Variants in NRBF2 observed in about 807,000 individuals in gnomAD.
NRBF2 encodes the protein nuclear receptor-binding factor 2.
In NRBF2, 12 loss-of-function variants were observed where a neutral mutation model predicts 28.5. The observed-to-expected ratio is 0.42, with a 90% CI of 0.27 to 0.68. The LOEUF (loss-of-function observed/expected upper bound fraction) is 0.68, where lower values mean the gene tolerates loss of function less well. NRBF2 is among the 30% of genes least tolerant of loss of function. NRBF2 has a pLI of 0.24. For synonymous variants in NRBF2, 102 were observed against 116.5 expected (o/e 0.88, Z 0.80); for missense variants, 274 against 333.5 (o/e 0.82, Z 1.39).
intron 1 of NRBF2, among the ~76,000 whole-genome samples, chr10:63,138,181 T>C (rs915013652): frequency 6.7e-6 from 1 of 149,902 alleles, no homozygotes; most frequent in Admixed American, 6.6e-5. Flanking sequence ...GGTGTGGTGG[T>C]GGGTGCCTGT....
At position 63,133,491 on chromosome 10, in the gene NRBF2, C is replaced by T. The variant is rs1841320825; in HGVS notation, c.21C>T (p.Pro7=). 6 of 1,610,770 alleles carry T rather than the reference C, an allele frequency of 3.7e-6. No homozygotes were observed. The highest frequency in any genetic ancestry group is 1.6e-4 in the Middle Eastern group (1 of 6,068). Reference sequence around the variant, plus strand: ...GGTCTATGGAAGTAATGGAAGGACCCCTCAACCTGGTGAGTGTCCCACAGA... The same window carrying T: ...GGTCTATGGAAGTAATGGAAGGACCTCTCAACCTGGTGAGTGTCCCACAGA... MEVMEG[P]LNLAHQQSRR... The change falls in exon 1 of 4, where the codon CCC becomes CCT. Residue 7 remains proline, a synonymous_variant. Coordinates refer to ENST00000277746, the MANE Select transcript of NRBF2 (RefSeq NM_030759.5).
chr10:63,139,678 T>G (rs1403853343), intron 1 of NRBF2, among the ~76,000 whole-genome samples: 1 of 152,240 alleles, frequency 6.6e-6, no homozygotes, highest in Non-Finnish European at 1.5e-5. Context: ...CCTCTCTTTT[T>G]TTGCCTTTTC....
chr10:63,153,556 C>G lies in NRBF2; in HGVS notation c.202C>G (p.Leu68Val), dbSNP rs770495701. ...GCAAAGGGATAGCCATATGAAACAG[C>G]TCCTCCTCATCCAAGAGAGATGGAA... ...ELQRDSHMKQ[L>V]LLIQERWKRA... The change falls in exon 4 of 4, where the codon CTC becomes GTC. Residue 68 changes from leucine to valine, a missense_variant. Coordinates refer to ENST00000277746, the MANE Select transcript of NRBF2 (RefSeq NM_030759.5). 6.2e-6 allele frequency: 10 copies of G among 1,611,752 alleles called. No homozygotes were observed. The highest frequency in any genetic ancestry group is 8.5e-6 in the Non-Finnish European group (10 of 1,179,820).
intron 2 of NRBF2, among the ~76,000 whole-genome samples, chr10:63,148,932 A>C (rs749619871): frequency 1.9e-4 from 29 of 152,236 alleles, no homozygotes; most frequent in Non-Finnish European, 4.1e-4. Flanking sequence ...AGCAGGCCCC[A>C]GAGTACACAG....
intron 1 of NRBF2, among the ~76,000 whole-genome samples, chr10:63,142,780 C>CTTTTTTTTTTTTTTTTTGTT (rs1841494692): frequency 1.3e-5 from 1 of 74,900 alleles, no homozygotes; most frequent in African/African-American, 5.8e-5. Context: ...TTCTTTCTTT[C>CTTTTTTTTTTTTTTTTTGTT]TTTTTTTTTT....
At chr10:63,151,284 G>C (rs903959661) in intron 2 of NRBF2, among the ~76,000 whole-genome samples, 3 of 152,148 alleles carry the variant, frequency 2.0e-5, no homozygotes, top group Non-Finnish European at 4.4e-5. Flanking sequence ...TAAAAATGGA[G>C]ATTCATTATG....
In NRBF2 at chr10:63,145,776, T is replaced by G. The variant is rs547679438; in HGVS notation, c.31-433T>G. ...GATAGAAGAGAAGCTTGGATTTTAC[T>G]ACATGATGAGTGATTTCCTGATTAT... On this transcript the variant is annotated intron_variant, in intron 1 of 3. Coordinates refer to ENST00000277746, the MANE Select transcript of NRBF2 (RefSeq NM_030759.5). 2.0e-5 allele frequency among the ~76,000 whole-genome samples: 3 copies of G among 152,374 alleles called. No homozygotes were observed. The South Asian group carries it at 6.2e-4, about 32-fold the overall frequency.
chr10:63,138,456 C>G (rs986717390), intron 1 of NRBF2, among the ~76,000 whole-genome samples: 2 of 151,644 alleles, frequency 1.3e-5, no homozygotes, highest in African/African-American at 4.8e-5. Flanking sequence ...TGCACTGCAG[C>G]CTGAGCGACT....
At chr10:63,151,586 A>C (rs1222790586) in intron 2 of NRBF2, among the ~76,000 whole-genome samples, 1 of 152,222 alleles carries the variant, frequency 6.6e-6, no homozygotes, top group Non-Finnish European at 1.5e-5. Flanking sequence ...GTCACCGAGG[A>C]TCTAAGATCA....
chr10:63,137,997 G>T (rs902443151), intron 1 of NRBF2, among the ~76,000 whole-genome samples: 2 of 152,094 alleles, frequency 1.3e-5, no homozygotes, highest in Admixed American at 1.3e-4. Flanking sequence ...TAAAGATGAA[G>T]ACTTTGAAAT....
chr10:63,148,586 G>A (rs907039737), intron 2 of NRBF2, among the ~76,000 whole-genome samples: 17 of 152,214 alleles, frequency 1.1e-4, no homozygotes, highest in African/African-American at 3.6e-4. Context: ...GGACCTGGGT[G>A]TCCACCTGTC....
chr10:63,148,769 T>C (rs1184252130), intron 2 of NRBF2, among the ~76,000 whole-genome samples: 1 of 152,222 alleles, frequency 6.6e-6, no homozygotes, highest in Non-Finnish European at 1.5e-5. Context: ...ATGGCTGAAT[T>C]AAATGAAACT....
At chr10:63,153,040 A>C (rs1451648022) in intron 3 of NRBF2, among the ~76,000 whole-genome samples, 1 of 152,202 alleles carries the variant, frequency 6.6e-6, no homozygotes, top group Non-Finnish European at 1.5e-5. Flanking sequence ...TTGTTATAAA[A>C]GTATTAGTTA....
At chr10:63,152,055 CTCTT>C in intron 2 of NRBF2, 91 bp from the exon 3 acceptor site, 1 of 876,744 alleles carries the variant, frequency 1.1e-6, no homozygotes, top group Non-Finnish European at 1.8e-6. Context: ...CAGACCAGTT[CTCTT>C]TGTCATATGA....
rs1564532428 is a variant in NRBF2 at position 63,153,599 on chromosome 10, A to G, written c.245A>G (p.Glu82Gly). 1.2e-6 allele frequency: 2 copies of G among 1,611,970 alleles called. No individual in the cohort carries two copies. Among genetic ancestry groups the G allele is most frequent in the Non-Finnish European group, 1.7e-6 (2 of 1,179,846 alleles). ...AGATGGAAAAGGGCCCAGCGTGAAG[A>G]AAGATTGAAAGCCCAGCAGAACACA... Reference protein sequence around the residue: ...QERWKRAQREERLKAQQNTDK... With the variant: ...QERWKRAQREGRLKAQQNTDK... The change falls in exon 4 of 4, where the codon GAA becomes GGA. Residue 82 changes from glutamate to glycine, a missense_variant. Glu to Gly is a moderately conservative substitution (Grantham distance 98). Coordinates refer to ENST00000277746, the MANE Select transcript of NRBF2 (RefSeq NM_030759.5).
At chr10:63,153,187 T>C (rs927548005) in intron 3 of NRBF2, among the ~76,000 whole-genome samples, 4 of 152,212 alleles carry the variant, frequency 2.6e-5, no homozygotes, top group African/African-American at 9.6e-5. Flanking sequence ...GATACAGGCA[T>C]GCATTGAGTT....
intron 1 of NRBF2, among the ~76,000 whole-genome samples, chr10:63,142,780 CTTTTTTTTT>C (rs781293012): frequency 1.1e-4 from 8 of 74,902 alleles, no homozygotes; most frequent in Admixed American, 1.9e-4. Flanking sequence ...TTCTTTCTTT[CTTTTTTTTT>C]TTTTTTTTTT....
chr10:63,135,343 C>A (rs1841358897), intron 1 of NRBF2, among the ~76,000 whole-genome samples: 1 of 152,100 alleles, frequency 6.6e-6, no homozygotes, highest in Admixed American at 6.6e-5. Context: ...GTGTCCTTGC[C>A]AAATGAGCAT....
Position 63,154,407 on chromosome 10 carries a change from C to G in NRBF2, c.*189C>G. The stretch of plus-strand genomic sequence containing the variant: ...TGTGAAATGCGCTGCGTATCTCATT[C>G]ACTCACTTCAGCTAATGATTCCGAC... On this transcript the variant is annotated 3_prime_UTR_variant, in exon 4 of 4. Coordinates refer to ENST00000277746, the MANE Select transcript of NRBF2 (RefSeq NM_030759.5). 1 of 501,736 alleles carries G rather than the reference C, an allele frequency of 2.0e-6. No individual in the cohort carries two copies. The highest frequency in any genetic ancestry group is 3.5e-6 in the Non-Finnish European group (1 of 285,078). 31.1% of individuals were successfully genotyped at this position (501,736 alleles called of 1,614,324 possible).
Sources: allele counts gnomAD v4.1 joint callset (sites outside exome capture counted in the v4.1 genomes callset), GRCh38; gene constraint gnomAD v4.1.1; transcripts MANE v1.5; gene names NCBI Gene and HGNC (gene_info 2026-07-23, HGNC 2026-07-21).